The following RPTOR variants were observed in gnomAD, a reference collection of about 807,000 sequenced individuals.
RPTOR encodes regulatory associated protein of MTOR complex 1.
In RPTOR, 21 loss-of-function variants were observed where a neutral mutation model predicts 169.9. That is an observed-to-expected ratio of 0.12 (90% CI 0.09 to 0.18). The LOEUF (loss-of-function observed/expected upper bound fraction) is 0.18. RPTOR is among the 10% of genes least tolerant of loss of function. The pLI is 1.00. For missense variants in RPTOR, 1,133 were observed against 1,855.9 expected (o/e 0.61, Z 7.16); for synonymous variants, 732 against 753.2 (o/e 0.97, Z 0.46).
At chr17:80,848,552 G>A (rs898824879) in intron 11 of RPTOR, among the ~76,000 whole-genome samples, 2 of 152,240 alleles carry the variant, frequency 1.3e-5, no homozygotes, top group South Asian at 2.1e-4. Context: ...CCCTTCGTGC[G>A]ACTGTAGAAA....
At chr17:80,563,401 C>T (rs1236152654) in intron 1 of RPTOR, among the ~76,000 whole-genome samples, 1 of 151,044 alleles carries the variant, frequency 6.6e-6, no homozygotes, top group African/African-American at 2.4e-5. Context: ...GGTGTGGTGG[C>T]GGCCGCCTGT....
intron 20 of RPTOR, among the ~76,000 whole-genome samples, chr17:80,902,158 G>A (rs933994457): frequency 1.3e-5 from 2 of 152,120 alleles, no homozygotes; most frequent in African/African-American, 4.8e-5. Flanking sequence ...ATCCCACCAG[G>A]CCTCGTTGCC....
intron 1 of RPTOR, among the ~76,000 whole-genome samples, chr17:80,548,496 C>G (rs11654614): frequency 0.63 from 94,305 of 150,444 alleles, 30,365 homozygotes; most frequent in Middle Eastern, 0.72. Context: ...ATTCTCCTGC[C>G]TCAGCCTCCC....
At position 80,743,343 on chromosome 17, in the gene RPTOR, G is replaced by A. The variant is rs1004777563; in HGVS notation, c.655-10667G>A. ...GCTCTTGCAGGTTCCGCCGTGCAGA[G>A]AAGAAGCCACAAGGACCGAGGGAGG... On this transcript the variant is annotated intron_variant, in intron 5 of 33. Coordinates refer to ENST00000306801, the MANE Select transcript of RPTOR (RefSeq NM_020761.3). 4.1e-6 allele frequency: 4 copies of A among 985,388 alleles called. No individual in the cohort carries two copies. In the African/African-American group the frequency reaches 5.2e-5, roughly 13 times the overall value. 61.0% of individuals were successfully genotyped at this position (985,388 alleles called of 1,614,324 possible). A position where few individuals can be genotyped will look rare whatever the true frequency, so the allele number is the denominator to read the frequency against.
intron 5 of RPTOR, among the ~76,000 whole-genome samples, chr17:80,738,517 A>G (rs2143240458): frequency 1.1e-5 from 1 of 91,872 alleles, no homozygotes; most frequent in African/African-American, 6.6e-5. Context: ...ACCTTAAATG[A>G]ATTTCACAGA....
chr17:80,760,467 A>G (rs1425611574), intron 6 of RPTOR, among the ~76,000 whole-genome samples: 1 of 151,568 alleles, frequency 6.6e-6, no homozygotes, highest in African/African-American at 2.4e-5. Context: ...ACGCCTGGCT[A>G]ATTTTTGTAT....
intron 1 of RPTOR, among the ~76,000 whole-genome samples, chr17:80,550,055 C>T (rs1190085095): frequency 6.6e-6 from 1 of 152,178 alleles, no homozygotes; most frequent in Non-Finnish European, 1.5e-5. Context: ...AATACATGGA[C>T]TGCCAAAGGT....
intron 11 of RPTOR, among the ~76,000 whole-genome samples, chr17:80,847,247 G>C (rs534149801): frequency 2.6e-5 from 4 of 152,374 alleles, no homozygotes; most frequent in Admixed American, 2.6e-4. Context: ...TGCTGTTCAC[G>C]TGCAGACCAT....
chr17:80,590,755 A>G (rs773444243), intron 1 of RPTOR, among the ~76,000 whole-genome samples: 10 of 152,256 alleles, frequency 6.6e-5, no homozygotes, highest in Non-Finnish European at 1.2e-4. Flanking sequence ...TTTTTAAAGT[A>G]AGTGACCTGT....
intron 3 of RPTOR, among the ~76,000 whole-genome samples, chr17:80,658,836 C>A (rs2065699224): frequency 6.6e-6 from 1 of 152,128 alleles, no homozygotes; most frequent in Admixed American, 6.5e-5. Flanking sequence ...CTGTGATTTC[C>A]ATTCGATTCT....
chr17:80,607,101 C>A (rs971317911), intron 1 of RPTOR, among the ~76,000 whole-genome samples: 1 of 152,138 alleles, frequency 6.6e-6, no homozygotes, highest in Non-Finnish European at 1.5e-5. Flanking sequence ...CTTAGGGCAT[C>A]CTTCAACTTT....
intron 1 of RPTOR, among the ~76,000 whole-genome samples, chr17:80,614,808 G>C (rs2065296871): frequency 6.6e-6 from 1 of 152,202 alleles, no homozygotes; most frequent in Non-Finnish European, 1.5e-5. Flanking sequence ...CTTTATTGTA[G>C]TGCTCGCTTT....
chr17:80,696,983 C>T (rs967357064), intron 3 of RPTOR, among the ~76,000 whole-genome samples: 1 of 152,204 alleles, frequency 6.6e-6, no homozygotes, highest in Admixed American at 6.5e-5. Context: ...GGCCCCATCA[C>T]GTAGGGTGGC....
chr17:80,685,449 C>CT (rs2065932611), intron 3 of RPTOR, among the ~76,000 whole-genome samples: 1 of 136,484 alleles, frequency 7.3e-6, no homozygotes, highest in African/African-American at 3.2e-5. Flanking sequence ...CTAATTAAAA[C>CT]ATTTTTTTTT....
intron 1 of RPTOR, among the ~76,000 whole-genome samples, chr17:80,570,148 C>T (rs1187026807): frequency 6.6e-6 from 1 of 152,116 alleles, no homozygotes; most frequent in East Asian, 1.9e-4. Flanking sequence ...TGCATGGGCC[C>T]CTGTCTCCAT....
intron 7 of RPTOR, among the ~76,000 whole-genome samples, chr17:80,821,727 G>T (rs2067381050): frequency 1.3e-5 from 2 of 152,202 alleles, no homozygotes; most frequent in African/African-American, 4.8e-5. Context: ...CATCCCTGTC[G>T]CAGGTATCAG....
chr17:80,582,873 A>G (rs767395385), intron 1 of RPTOR, among the ~76,000 whole-genome samples: 3 of 148,242 alleles, frequency 2.0e-5, no homozygotes, highest in Non-Finnish European at 3.0e-5. Context: ...TATTAGAAAA[A>G]TTTTTCACAA....
At chr17:80,742,616 CAT>C (rs146031516) in intron 5 of RPTOR, among the ~76,000 whole-genome samples, 3,103 of 151,776 alleles carry the variant, frequency 0.02, 38 homozygotes, top group Middle Eastern at 0.072. Context: ...ATGCCACACA[CAT>C]ACACACGCAC....
chr17:80,803,695 C>T lies in RPTOR; in HGVS notation c.890+12186C>T, dbSNP rs890193848. On this transcript the variant is annotated intron_variant, in intron 7 of 33. Coordinates refer to ENST00000306801, the MANE Select transcript of RPTOR (RefSeq NM_020761.3). The surrounding 1 kb of genome is among the most constrained non-coding windows in gnomAD (Gnocchi z 6.2). The stretch of plus-strand genomic sequence containing the variant: ...CTGCGGACTGGCTGTGTGCTAGGGC[C>T]TGTCCGAGGCTCTGGAGCCAAGTCC... 6.6e-6 allele frequency: 1 copy of T among 152,280 alleles called. No individual in the cohort carries two copies. Among genetic ancestry groups the T allele is most frequent in the Non-Finnish European group, 1.5e-5 (1 of 68,070 alleles). 9.4% of individuals were successfully genotyped at this position (152,280 alleles called of 1,614,324 possible). A position where few individuals can be genotyped will look rare whatever the true frequency, so the allele number is the denominator to read the frequency against.
Sources: allele counts gnomAD v4.1 joint callset (sites outside exome capture counted in the v4.1 genomes callset), GRCh38; gene constraint gnomAD v4.1.1; non-coding constraint Gnocchi (gnomAD v3.1); transcripts MANE v1.5; gene names NCBI Gene and HGNC (gene_info 2026-07-23, HGNC 2026-07-21).